UNC5B: variants seen among roughly 807,000 people sequenced by gnomAD.
UNC5B encodes the protein netrin receptor UNC5B.
UNC5B carries 56 observed loss-of-function variants against 103.7 expected under a neutral mutation model. The observed-to-expected ratio is 0.54, with a 90% CI of 0.44 to 0.67. The LOEUF is 0.67. Among genes scored for constraint, UNC5B ranks in the 30% least tolerant of loss-of-function variants. The pLI is 0.00. For missense variants in UNC5B, 1,194 were observed against 1,284.5 expected (o/e 0.93, Z 1.08); for synonymous variants, 577 against 542.0 (o/e 1.06, Z -0.90).
At chr10:71,253,277 C>T (rs1381276345) in intron 1 of UNC5B, among the ~76,000 whole-genome samples, 1 of 152,192 alleles carries the variant, frequency 6.6e-6, no homozygotes, top group Non-Finnish European at 1.5e-5. Flanking sequence ...ACCTCCTTTC[C>T]CCGTAGCTTG....
rs748505448 is a variant in UNC5B, at chr10:71,291,694, C to T, written c.1557C>T (p.Thr519=). 1.2e-6 allele frequency: 2 copies of T among 1,613,320 alleles called. No individual in the cohort carries two copies. Among genetic ancestry groups the T allele is most frequent in the Non-Finnish European group, 1.7e-6 (2 of 1,180,028 alleles). Residue 519 remains threonine (T), a synonymous_variant, in exon 10 of 17, where the codon ACC becomes ACT. Coordinates refer to ENST00000335350, the MANE Select transcript of UNC5B (RefSeq NM_170744.5). The stretch of plus-strand genomic sequence containing the variant: ...ACCCTAGCGATTTCGCCCGGGACAC[C>T]CACTTCCTGCACCTGCGCAGCGCCA... The part of the protein sequence containing the change: ...GTYPSDFARD[T]HFLHLRSASL...
At chr10:71,240,016 C>T (rs1420443069) in intron 1 of UNC5B, among the ~76,000 whole-genome samples, 6 of 152,160 alleles carry the variant, frequency 3.9e-5, no homozygotes, top group African/African-American at 9.6e-5. Flanking sequence ...GGGCTCCAGG[C>T]GGGTGAGGGA....
At chr10:71,221,356 G>A (rs1357185811) in intron 1 of UNC5B, among the ~76,000 whole-genome samples, 1 of 152,202 alleles carries the variant, frequency 6.6e-6, no homozygotes, top group Non-Finnish European at 1.5e-5. Flanking sequence ...CGAAGCTCAA[G>A]TGCGCCCTGC....
intron 1 of UNC5B, among the ~76,000 whole-genome samples, chr10:71,278,014 C>CA (rs1237841407): frequency 3.9e-5 from 6 of 152,206 alleles, no homozygotes; most frequent in Admixed American, 1.3e-4. Flanking sequence ...GGCAACAGCC[C>CA]AAACGCTGAA....
intron 1 of UNC5B, among the ~76,000 whole-genome samples, chr10:71,279,379 G>T (rs1844854707): frequency 6.6e-6 from 1 of 152,202 alleles, no homozygotes; most frequent in Non-Finnish European, 1.5e-5. Flanking sequence ...GGCAGAGCTG[G>T]CCTGGTTTGA....
intron 1 of UNC5B, among the ~76,000 whole-genome samples, chr10:71,273,231 T>C (rs946945181): frequency 3.3e-5 from 5 of 152,230 alleles, no homozygotes; most frequent in African/African-American, 1.2e-4. Flanking sequence ...GTTTTCTCAG[T>C]TGACCTTTCA....
Position 71,287,288 on chromosome 10 carries a change from C to T in UNC5B, c.734-310C>T, listed in dbSNP as rs531382416. 2.0e-5 allele frequency among the ~76,000 whole-genome samples: 3 copies of T among 152,318 alleles called. No homozygotes were observed. The East Asian group carries it at 5.8e-4, about 29-fold the overall frequency. ...TTAGAAAGAACCTTGTGCTAGGTTC[C>T]AGCTGCAGGCAGTCCCAGGCCCCCA... On this transcript the variant is annotated intron_variant, in intron 5 of 16. Transcript: ENST00000335350.
In UNC5B at chr10:71,297,054, C is replaced by G. The variant is rs113861290; in HGVS notation, c.2490+312C>G. Reference sequence around the variant, plus strand: ...ACTGTGGCATAGGTGAGGGAAGGGCCGCCAGATATTCCAGCTGCACACCAC... The same window carrying G: ...ACTGTGGCATAGGTGAGGGAAGGGCGGCCAGATATTCCAGCTGCACACCAC... On this transcript the variant is annotated intron_variant, in intron 15 of 16. Transcript: ENST00000335350. 1.4e-3 allele frequency among the ~76,000 whole-genome samples: 175 copies of G among 121,474 alleles called. 5 individuals carry two copies. Among genetic ancestry groups the G allele is most frequent in the Middle Eastern group, 0.012 (2 of 168 alleles). The allele number at this position is 121,474 out of a possible 152,430, so 79.7% of individuals were successfully genotyped here.
At chr10:71,296,933 G>T (rs12246871) in intron 15 of UNC5B, among the ~76,000 whole-genome samples, 191 bp downstream of exon 15, 130 of 126,556 alleles carry the variant, frequency 1.0e-3, no homozygotes, top group African/African-American at 3.6e-3. Flanking sequence ...TGCACACCAC[G>T]CTGGCGGAGG....
intron 1 of UNC5B, among the ~76,000 whole-genome samples, chr10:71,273,552 G>A (rs536106473): frequency 1.4e-3 from 215 of 152,256 alleles, no homozygotes; most frequent in Middle Eastern, 6.8e-3. Context: ...TCATTCCTTC[G>A]CCTCCTGGGC....
At chr10:71,255,873 AGT>A (rs1463410295) in intron 1 of UNC5B, among the ~76,000 whole-genome samples, 1 of 152,208 alleles carries the variant, frequency 6.6e-6, no homozygotes, top group Non-Finnish European at 1.5e-5. Flanking sequence ...GCAAGAGCAT[AGT>A]GTAAAAGCTG....
In UNC5B at chr10:71,295,832, A is replaced by G. The variant is rs1353815911; in HGVS notation, c.2197A>G (p.Thr733Ala). ...ALKEVLELER[T>A]LGGYLVEEPK... ...ACAGGAGGTGCTGGAGCTGGAGCGG[A>G]CTCTGGGCGGATACTTGGTGGAGGA... The change falls in exon 14 of 17, where the codon ACT becomes GCT. Residue 733 changes from threonine to alanine, a missense_variant. Thr to Ala is a moderately conservative substitution (Grantham distance 58). Transcript: ENST00000335350. The G allele has an allele frequency of 6.2e-7, 1 of 1,612,404 alleles. No individual in the cohort carries two copies. Among genetic ancestry groups the G allele is most frequent in the Admixed American group, 1.7e-5 (1 of 59,986 alleles).
rs5786026 is a variant in UNC5B at position 71,213,675 on chromosome 10, A to AATTATTATTATT, written c.79+634_79+645dup. Among the ~76,000 whole-genome samples, 8,616 of 133,116 alleles carry AATTATTATTATT rather than the reference A, an allele frequency of 0.065. 350 individuals carry two copies. The highest frequency in any genetic ancestry group is 0.11 in the East Asian group (490 of 4,412). 87.3% of individuals were successfully genotyped at this position (133,116 alleles called of 152,430 possible). ...ATCGCTGGGCCCGCAGGTCTGGAAGAATTATTATTATTATTATTATTATTA... is the reference window on the plus strand; with the variant it reads ...ATCGCTGGGCCCGCAGGTCTGGAAGAATTATTATTATTATTATTATTATTATTATTATTATTA... On this transcript the variant is annotated intron_variant, in intron 1 of 16. Coordinates refer to ENST00000335350, the MANE Select transcript of UNC5B (RefSeq NM_170744.5). The surrounding 1 kb of genome is among the most constrained non-coding windows in gnomAD (Gnocchi z 4.1).
intron 6 of UNC5B, 150 bp downstream of exon 6, chr10:71,287,915 A>G: frequency 9.2e-7 from 1 of 1,092,654 alleles, no homozygotes; most frequent in South Asian, 1.8e-5. Flanking sequence ...GGCTGACTAG[A>G]TGCTCTGATC....
In UNC5B at chr10:71,299,227, A is replaced by G; in HGVS notation, c.2788A>G (p.Met930Val). The G allele has an allele frequency of 6.2e-7, 1 of 1,614,198 alleles. No individual in the cohort carries two copies. Among genetic ancestry groups the G allele is most frequent in the Non-Finnish European group, 8.5e-7 (1 of 1,180,044 alleles). ...CAGCCTGGCGAGTGCCTTGGAGGAG[A>G]TGGGCAAGAGTGAGATGCTGGTGGC... Reference protein sequence around the residue: ...LNSLASALEEMGKSEMLVAVA... With the variant: ...LNSLASALEEVGKSEMLVAVA... Residue 930 changes from methionine to valine, a missense_variant, in exon 17 of 17, where the codon ATG (methionine) becomes GTG (valine). Coordinates refer to ENST00000335350, the MANE Select transcript of UNC5B (RefSeq NM_170744.5).
rs560223402 is a variant in UNC5B at position 71,291,649 on chromosome 10, G to A, written c.1512G>A (p.Gly504=). The change falls in exon 10 of 17, where the codon GGG becomes GGA. Residue 504 remains glycine, a synonymous_variant. Coordinates refer to ENST00000335350, the MANE Select transcript of UNC5B (RefSeq NM_170744.5). ...PGLADGADLL[G]VLPPGTYPSD... ...TGGCAGATGGGGCTGACCTGCTGGG[G>A]GTCTTGCCGCCTGGCACATACCCTA... 2.5e-6 allele frequency: 4 copies of A among 1,613,876 alleles called. No homozygotes were observed. The highest frequency in any genetic ancestry group is 2.7e-5 in the African/African-American group (2 of 75,054).
intron 2 of UNC5B, 112 bp downstream of exon 2, chr10:71,280,157 C>A (rs1041054468): frequency 1.3e-5 from 16 of 1,205,648 alleles, no homozygotes; most frequent in Non-Finnish European, 1.8e-5. Flanking sequence ...ATTAGCATTT[C>A]CCCAAGTGCT....
intron 14 of UNC5B, 36 bp from the exon 15 acceptor site, chr10:71,296,542 C>G (rs763856912): frequency 1.2e-6 from 2 of 1,608,548 alleles, no homozygotes; most frequent in Non-Finnish European, 1.7e-6. Flanking sequence ...GGCAGGCTGG[C>G]CTTGCCTGCC....
intron 1 of UNC5B, among the ~76,000 whole-genome samples, chr10:71,250,901 C>G (rs1464802853): frequency 6.6e-6 from 1 of 152,108 alleles, no homozygotes; most frequent in Non-Finnish European, 1.5e-5. Context: ...TTACAGCATG[C>G]TAGAGGTGGA....
Sources: gnomAD v4.1 joint callset for allele counts (sites outside exome capture counted in the v4.1 genomes callset) on GRCh38, gnomAD v4.1.1 for gene constraint, Gnocchi (gnomAD v3.1) non-coding constraint, MANE v1.5 for transcripts, NCBI Gene and HGNC (gene_info 2026-07-23, HGNC 2026-07-21) for gene names.